ERBB4: variants seen among roughly 807,000 people sequenced by gnomAD.
ERBB4 encodes the protein erb-b2 receptor tyrosine kinase 4, also known as receptor tyrosine-protein kinase erbB-4.
ERBB4 carries 42 observed loss-of-function variants against 158.0 expected under a neutral mutation model. The observed-to-expected ratio is 0.27, with a 90% CI of 0.21 to 0.34. ERBB4 has a LOEUF of 0.34. Among genes scored for constraint, ERBB4 ranks in the 10% least tolerant of loss-of-function variants. The pLI is 1.00. For missense variants in ERBB4, 1,333 were observed against 1,624.1 expected, an observed-to-expected ratio of 0.82 and a Z score of 3.08; for synonymous variants, 583 against 558.7, an observed-to-expected ratio of 1.04 and a Z score of -0.61.
chr2:211,791,632 T>C (rs1274906273), intron 3 of ERBB4, among the ~76,000 whole-genome samples: 1 of 151,886 alleles, frequency 6.6e-6, no homozygotes, highest in Non-Finnish European at 1.5e-5. Context: ...TTCTTGGTCA[T>C]TGAATCAATT....
chr2:211,718,842 C>A (rs1451553663), intron 7 of ERBB4, among the ~76,000 whole-genome samples: 1 of 152,066 alleles, frequency 6.6e-6, no homozygotes, highest in Non-Finnish European at 1.5e-5. Flanking sequence ...ACAACAACAA[C>A]AACAAATAAT....
rs1491260097 is a variant in ERBB4 at position 211,772,956 on chromosome 2, T to TATATA, written c.556+15068_556+15069insTATAT. ...ATATATATATATATATATATATATA[T>TATATA]TTTTTTTTTTAAAGATGGGGTCCTA... On this transcript the variant is annotated intron_variant, in intron 4 of 27. Transcript: ENST00000342788. Among the ~76,000 whole-genome samples the TATATA allele has an allele frequency of 7.6e-4, 58 of 76,294 alleles. 4 individuals carry two copies. Among genetic ancestry groups the TATATA allele is most frequent in the African/African-American group, 1.6e-3 (17 of 10,602 alleles). 50.1% of individuals were successfully genotyped at this position (76,294 alleles called of 152,430 possible). A position where few individuals can be genotyped will look rare whatever the true frequency, so the allele number is the denominator to read the frequency against.
intron 19 of ERBB4, among the ~76,000 whole-genome samples, chr2:211,597,464 A>G (rs2068670832): frequency 6.6e-6 from 1 of 152,176 alleles, no homozygotes; most frequent in Admixed American, 6.6e-5. Flanking sequence ...ATATACATCT[A>G]TTTGATAAAA....
chr2:211,432,050 C>T (rs1039452188), intron 20 of ERBB4, among the ~76,000 whole-genome samples: 2 of 151,658 alleles, frequency 1.3e-5, no homozygotes, highest in Non-Finnish European at 2.9e-5. Flanking sequence ...AACCTGAGGC[C>T]GAGATTAGAG....
At chr2:212,097,441 A>G (rs73987230) in intron 2 of ERBB4, among the ~76,000 whole-genome samples, 3,287 of 152,316 alleles carry the variant, frequency 0.022, 129 homozygotes, top group African/African-American at 0.075. Context: ...ATCCCTAGCT[A>G]AATGGTGGCA....
In ERBB4 at chr2:212,402,464, C is replaced by A. The variant is rs186688426; in HGVS notation, c.82+135985G>T. Among the ~76,000 whole-genome samples, 1,496 of 152,034 alleles carry A rather than the reference C, an allele frequency of 9.8e-3. 21 individuals carry two copies. Among genetic ancestry groups the A allele is most frequent in the African/African-American group, 0.034 (1,430 of 41,472 alleles). ...ACAAGAGCCTACCCAGGTGATAAAA[C>A]CATGTAGAACTTATACACACACGAG... is the stretch of plus-strand genomic sequence containing the variant. On this transcript the variant is annotated intron_variant, in intron 1 of 27. Transcript: ENST00000342788.
Position 211,386,989 on chromosome 2 carries a change from C to T in ERBB4, c.3345G>A (p.Val1115=). The T allele has an allele frequency of 6.2e-7, 1 of 1,614,036 alleles. No homozygotes were observed. The highest frequency in any genetic ancestry group is 1.1e-5 in the South Asian group (1 of 91,072). Residue 1115 remains valine (V), a synonymous_variant, in exon 27 of 28, where the codon GTG becomes GTA. Coordinates refer to ENST00000342788, the MANE Select transcript of ERBB4 (RefSeq NM_005235.3). ...TACTGTCCTCTTGGACATGGGGTGC[C>T]ACTGGCTTGCGTAGGGTGCCATTAC... ...SCCNGTLRKP[V]APHVQEDSST...
At chr2:212,474,822 C>T (rs200483625) in intron 1 of ERBB4, among the ~76,000 whole-genome samples, 423 of 94,236 alleles carry the variant, frequency 4.5e-3, no homozygotes, top group African/African-American at 6.3e-3. Context: ...CCCGGCCATT[C>T]TTTTTTTTTT....
chr2:211,700,023 G>A (rs1407138914), intron 12 of ERBB4, among the ~76,000 whole-genome samples: 1 of 151,990 alleles, frequency 6.6e-6, no homozygotes, highest in African/African-American at 2.4e-5. Flanking sequence ...GCATCAAAGA[G>A]GAAGAATTTT....
At chr2:211,705,222 G>A (rs1044144332) in intron 10 of ERBB4, 96 bp downstream of exon 10, 14 of 856,794 alleles carry the variant, frequency 1.6e-5, no homozygotes, top group Non-Finnish European at 2.4e-5. Context: ...TAAGTGCTGG[G>A]ATTACTGGTG....
At chr2:212,009,770 T>C (rs2076340351) in intron 2 of ERBB4, among the ~76,000 whole-genome samples, 1 of 152,166 alleles carries the variant, frequency 6.6e-6, no homozygotes, top group African/African-American at 2.4e-5. Flanking sequence ...TGGCTGAAAT[T>C]TGGTTTCCTG....
At chr2:212,206,651 A>G (rs1437487592) in intron 1 of ERBB4, among the ~76,000 whole-genome samples, 12 of 139,756 alleles carry the variant, frequency 8.6e-5, no homozygotes, top group Non-Finnish European at 1.4e-4. Context: ...CAGTGGTGCT[A>G]TCTCGGCTCA....
intron 3 of ERBB4, among the ~76,000 whole-genome samples, chr2:211,853,946 A>T: frequency 6.6e-6 from 1 of 152,098 alleles, no homozygotes; most frequent in Non-Finnish European, 1.5e-5. Context: ...TTAATTCTTT[A>T]TTCAAACAAC....
intron 25 of ERBB4, among the ~76,000 whole-genome samples, chr2:211,417,512 C>A (rs2063420622): frequency 6.6e-6 from 1 of 151,962 alleles, no homozygotes; most frequent in South Asian, 2.1e-4. Context: ...AAAAGTATAT[C>A]TAACAATAGT....
intron 5 of ERBB4, among the ~76,000 whole-genome samples, chr2:211,727,820 C>T (rs565970918): frequency 6.6e-6 from 1 of 151,974 alleles, no homozygotes; most frequent in African/African-American, 2.4e-5. Flanking sequence ...AAAGTTTAAA[C>T]TAAAATGGCA....
chr2:211,466,832 GA>G (rs2064704219), intron 20 of ERBB4, among the ~76,000 whole-genome samples: 1 of 152,116 alleles, frequency 6.6e-6, no homozygotes, highest in Non-Finnish European at 1.5e-5. Flanking sequence ...ATGCTGCAGA[GA>G]AAAAATTCCC....
At chr2:212,025,297 G>A (rs940859780) in intron 2 of ERBB4, among the ~76,000 whole-genome samples, 1 of 151,712 alleles carries the variant, frequency 6.6e-6, no homozygotes, top group African/African-American at 2.4e-5. Context: ...CACCCTATTT[G>A]CAGCCCACTA....
At chr2:212,487,863 G>A (rs1275558762) in intron 1 of ERBB4, among the ~76,000 whole-genome samples, 1 of 152,066 alleles carries the variant, frequency 6.6e-6, no homozygotes, top group African/African-American at 2.4e-5. Flanking sequence ...AAATTATGAT[G>A]TATTTGTCTT....
At chr2:211,921,203 G>T (rs1045576172) in intron 3 of ERBB4, among the ~76,000 whole-genome samples, 1 of 151,988 alleles carries the variant, frequency 6.6e-6, no homozygotes, top group Non-Finnish European at 1.5e-5. Flanking sequence ...CAAATCTGTA[G>T]ATTGAGCTTC....
Sources: allele counts gnomAD v4.1 joint callset (sites outside exome capture counted in the v4.1 genomes callset), GRCh38; gene constraint gnomAD v4.1.1; transcripts MANE v1.5; gene names NCBI Gene and HGNC (gene_info 2026-07-23, HGNC 2026-07-21).